The following SLC2A13 variants were observed in gnomAD, a reference collection of about 807,000 sequenced individuals.
SLC2A13 encodes the protein proton myo-inositol cotransporter.
A neutral mutation model predicts 64.4 loss-of-function variants in SLC2A13; 32 were observed. That is an observed-to-expected ratio of 0.50 (90% CI 0.37 to 0.67). SLC2A13 has a LOEUF of 0.67. Among genes scored for constraint, SLC2A13 ranks in the 30% least tolerant of loss-of-function variants. SLC2A13 has a pLI of 0.00. For synonymous variants in SLC2A13, 338 were observed against 327.1 expected (o/e 1.03, Z -0.36); for missense variants, 743 against 829.2 (o/e 0.90, Z 1.28).
At chr12:39,913,238 G>C (rs1241403526) in intron 4 of SLC2A13, among the ~76,000 whole-genome samples, 1 of 151,986 alleles carries the variant, frequency 6.6e-6, no homozygotes, top group Non-Finnish European at 1.5e-5. Flanking sequence ...GGGGAAGACA[G>C]ATTAACTTTT....
intron 7 of SLC2A13, among the ~76,000 whole-genome samples, chr12:39,820,624 G>C (rs1274544206): frequency 1.3e-5 from 2 of 151,254 alleles, no homozygotes; most frequent in East Asian, 3.9e-4. Context: ...ATGCTGTCCA[G>C]CAAAAAACCT....
intron 7 of SLC2A13, among the ~76,000 whole-genome samples, chr12:39,767,589 CTTCTTCCAA>C (rs1350543475): frequency 2.0e-5 from 3 of 152,040 alleles, no homozygotes; most frequent in African/African-American, 7.2e-5. Context: ...TGGATGGTAT[CTTCTTCCAA>C]CAGAAGGCAG....
Position 40,105,122 on chromosome 12 carries a change from C to T in SLC2A13, c.556+131G>A. The T allele has an allele frequency of 7.7e-7, 1 of 1,293,002 alleles. No homozygotes were observed. Among genetic ancestry groups the T allele is most frequent in the Non-Finnish European group, 9.8e-7 (1 of 1,016,568 alleles). The allele number at this position is 1,293,002 out of a possible 1,614,324, so 80.1% of individuals were successfully genotyped here. ...CCAACAAACAGATGGGCTCTGGAGG[C>T]CAGAGAAGTGGAGGATTCTCTGACC... On this transcript the variant is annotated intron_variant, in intron 1 of 9. Coordinates refer to ENST00000280871, the MANE Select transcript of SLC2A13 (RefSeq NM_052885.4). The surrounding 1 kb of genome is among the most constrained non-coding windows in gnomAD (Gnocchi z 4.2).
intron 3 of SLC2A13, among the ~76,000 whole-genome samples, chr12:40,002,348 T>C (rs1159314537): frequency 2.0e-5 from 3 of 152,058 alleles, no homozygotes; most frequent in Non-Finnish European, 4.4e-5. Flanking sequence ...AAAGTCCCAA[T>C]TCACACCCAG....
intron 1 of SLC2A13, among the ~76,000 whole-genome samples, chr12:40,097,037 T>C (rs1938967918): frequency 6.6e-6 from 1 of 152,092 alleles, no homozygotes; most frequent in South Asian, 2.1e-4. Flanking sequence ...TTTCCCTAAT[T>C]TCTCTACACT....
At chr12:39,929,279 G>A (rs753823391) in intron 4 of SLC2A13, among the ~76,000 whole-genome samples, 6 of 152,088 alleles carry the variant, frequency 3.9e-5, no homozygotes. Flanking sequence ...GAGGCTGGGC[G>A]CAGTGGCTAA....
intron 5 of SLC2A13, among the ~76,000 whole-genome samples, chr12:39,869,024 C>T (rs550481046): frequency 3.3e-5 from 5 of 152,082 alleles, no homozygotes; most frequent in South Asian, 2.1e-4. Context: ...AAATAGGGAA[C>T]GATACTGAAT....
intron 1 of SLC2A13, among the ~76,000 whole-genome samples, chr12:40,086,276 TC>T (rs1314032802): frequency 6.6e-6 from 1 of 152,132 alleles, no homozygotes; most frequent in Non-Finnish European, 1.5e-5. Context: ...TTTTTTTTAA[TC>T]CCACTACTCC....
At chr12:40,077,768 T>C (rs1236088163) in intron 1 of SLC2A13, among the ~76,000 whole-genome samples, 1 of 152,188 alleles carries the variant, frequency 6.6e-6, no homozygotes. Flanking sequence ...CAATATTAAC[T>C]TTTCCTATCC....
intron 3 of SLC2A13, among the ~76,000 whole-genome samples, chr12:40,017,336 A>G (rs1328909842): frequency 6.6e-6 from 1 of 152,300 alleles, no homozygotes; most frequent in Non-Finnish European, 1.5e-5. Context: ...CGAGAGAAGG[A>G]AGGCACTCTG....
intron 7 of SLC2A13, among the ~76,000 whole-genome samples, chr12:39,779,497 G>A (rs750212184): frequency 9.9e-5 from 15 of 151,982 alleles, no homozygotes; most frequent in African/African-American, 1.7e-4. Context: ...TTCCCCAGGC[G>A]TCATAGGCCA....
At chr12:39,765,568 C>CTCTA (rs1412728602) in intron 7 of SLC2A13, among the ~76,000 whole-genome samples, 1 of 152,006 alleles carries the variant, frequency 6.6e-6, no homozygotes, top group Non-Finnish European at 1.5e-5. Context: ...CTCCTTCAAC[C>CTCTA]TCTATCTTTG....
intron 3 of SLC2A13, among the ~76,000 whole-genome samples, chr12:39,996,675 G>C (rs1947236832): frequency 6.6e-6 from 1 of 152,218 alleles, no homozygotes; most frequent in Non-Finnish European, 1.5e-5. Context: ...GGCCAACATA[G>C]AGTTCGGGCC....
chr12:40,105,597 T>G lies in SLC2A13; in HGVS notation c.212A>C (p.Gln71Pro). 1 of 1,530,476 alleles carries G rather than the reference T, an allele frequency of 6.5e-7. No individual in the cohort carries two copies. Among genetic ancestry groups the G allele is most frequent in the Non-Finnish European group, 8.8e-7 (1 of 1,141,494 alleles). The allele number at this position is 1,530,476 out of a possible 1,614,324, so 94.8% of individuals were successfully genotyped here. A position where few individuals can be genotyped will look rare whatever the true frequency, so the allele number is the denominator to read the frequency against. ...VGDLERAARR[Q>P]FQQDETPAFV... is the part of the protein sequence containing the mutation. ...GGCGGGGGTCTCGTCCTGCTGGAAC[T>G]GCCGCCGCGCCGCGCGCTCCAGGTC... The change falls in exon 1 of 10, where the codon CAG becomes CCG. Residue 71 changes from glutamine (Q) to proline (P), a missense_variant. Around this residue, in one of 2 missense-constraint regions of SLC2A13, gnomAD observed 448 missense variants for 447.4 expected, o/e 1.00. Coordinates refer to ENST00000280871, the MANE Select transcript of SLC2A13 (RefSeq NM_052885.4). The surrounding 1 kb of genome is among the most constrained non-coding windows in gnomAD (Gnocchi z 4.2).
intron 7 of SLC2A13, among the ~76,000 whole-genome samples, chr12:39,781,373 C>T (rs534771404): frequency 1.2e-5 from 1 of 84,302 alleles, no homozygotes; most frequent in Admixed American, 1.5e-4. Flanking sequence ...ACTGAGGGAG[C>T]CCCGCACAGT....
At chr12:39,900,422 C>T (rs12231445) in intron 4 of SLC2A13, among the ~76,000 whole-genome samples, 63,808 of 151,602 alleles carry the variant, frequency 0.42, 13,814 homozygotes, top group East Asian at 0.76. Flanking sequence ...ATGACATGAT[C>T]GTATATCTAG....
At chr12:39,896,352 GTA>G (rs201813986) in intron 4 of SLC2A13, among the ~76,000 whole-genome samples, 7,341 of 89,016 alleles carry the variant, frequency 0.082, 44 homozygotes, top group East Asian at 0.21. Context: ...ATATATGTAT[GTA>G]TATGTGTATA....
intron 5 of SLC2A13, 48 bp from the exon 6 acceptor site, chr12:39,864,930 T>C: frequency 6.5e-7 from 1 of 1,541,266 alleles, no homozygotes; most frequent in Non-Finnish European, 8.8e-7. Flanking sequence ...CAATATTGTT[T>C]TAAGGCAGAC....
intron 6 of SLC2A13, among the ~76,000 whole-genome samples, chr12:39,848,065 T>C (rs1409293670): frequency 6.6e-6 from 1 of 152,058 alleles, no homozygotes; most frequent in African/African-American, 2.4e-5. Flanking sequence ...AAGTCAAAGC[T>C]CTGAAAACCC....
Sources: allele counts gnomAD v4.1 joint callset (sites outside exome capture counted in the v4.1 genomes callset), GRCh38; gene constraint gnomAD v4.1.1; regional missense constraint gnomAD v4.1.1; non-coding constraint Gnocchi (gnomAD v3.1); transcripts MANE v1.5; gene names NCBI Gene and HGNC (gene_info 2026-07-23, HGNC 2026-07-21).